CCDC3: variants seen among roughly 807,000 people sequenced by gnomAD.
CCDC3 encodes coiled-coil domain-containing protein 3.
Under a neutral mutation model 21.4 loss-of-function variants are expected in CCDC3, and 24 were observed. The ratio of observed to expected loss-of-function variants is 1.12; its 90% CI spans 0.81 to 1.58. CCDC3 has a LOEUF of 1.58. CCDC3 is among the 40% of genes most tolerant of loss of function. The pLI is 0.00. For synonymous variants in CCDC3, 186 were observed against 166.0 expected (o/e 1.12, Z -0.93); for missense variants, 425 against 360.9 (o/e 1.18, Z -1.44).
At chr10:13,083,456 G>T (rs935623386) in intron 3 of CCDC3, among the ~76,000 whole-genome samples, 3 of 152,298 alleles carry the variant, frequency 2.0e-5, no homozygotes, top group African/African-American at 4.8e-5. Context: ...AGAAATAATA[G>T]TTTCTTTTAA....
At chr10:12,965,881 G>C (rs2580908) in intron 2 of CCDC3, among the ~76,000 whole-genome samples, 131,159 of 152,210 alleles carry the variant, frequency 0.86, 57,712 homozygotes, top group East Asian at 1. Flanking sequence ...ACCAAAGTAT[G>C]TAGAGAATAG....
intron 5 of CCDC3, among the ~76,000 whole-genome samples, chr10:13,034,988 T>C (rs1054009813): frequency 6.7e-6 from 1 of 149,882 alleles, no homozygotes; most frequent in Non-Finnish European, 1.5e-5. Context: ...ATCACGCCAT[T>C]ACACTCCAGT....
At chr10:13,047,765 C>A (rs1836547884) in intron 5 of CCDC3, among the ~76,000 whole-genome samples, 1 of 152,122 alleles carries the variant, frequency 6.6e-6, no homozygotes, top group Non-Finnish European at 1.5e-5. Flanking sequence ...GGACTAAGGC[C>A]TGAGATCGGT....
At chr10:13,082,977 G>T (rs1336418889) in intron 3 of CCDC3, among the ~76,000 whole-genome samples, 1 of 152,068 alleles carries the variant, frequency 6.6e-6, no homozygotes, top group Non-Finnish European at 1.5e-5. Context: ...GGAACAGCTT[G>T]TGCCCTCGGT....
At chr10:13,020,291 T>C (rs984214740) in intron 5 of CCDC3, among the ~76,000 whole-genome samples, 1 of 152,332 alleles carries the variant, frequency 6.6e-6, no homozygotes, top group East Asian at 1.9e-4. Context: ...TTTTTCTAAC[T>C]CATTCCCATG....
intron 2 of CCDC3, among the ~76,000 whole-genome samples, chr10:12,988,696 A>T (rs1392792314): frequency 2.0e-5 from 3 of 151,992 alleles, no homozygotes; most frequent in Non-Finnish European, 4.4e-5. Flanking sequence ...TATTTTTCCT[A>T]TGGACTGATA....
At chr10:13,069,168 G>C (rs930086843) in intron 4 of CCDC3, among the ~76,000 whole-genome samples, 10 of 152,150 alleles carry the variant, frequency 6.6e-5, no homozygotes, top group Non-Finnish European at 1.0e-4. Flanking sequence ...GGCAGGAGAA[G>C]CACTTGAACC....
intron 5 of CCDC3, among the ~76,000 whole-genome samples, chr10:13,027,447 TTCTC>T (rs1836237730): frequency 6.6e-6 from 1 of 152,166 alleles, no homozygotes; most frequent in Non-Finnish European, 1.5e-5. Context: ...CCCTGTCTCT[TTCTC>T]TCTGACGTCT....
intron 2 of CCDC3, among the ~76,000 whole-genome samples, chr10:12,937,931 TC>T (rs1380895787): frequency 6.6e-6 from 1 of 152,174 alleles, no homozygotes. Context: ...GTCCCTTTGG[TC>T]TTCCATCCCG....
At chr10:12,956,227 GA>G (rs1201026184) in intron 2 of CCDC3, among the ~76,000 whole-genome samples, 4 of 152,212 alleles carry the variant, frequency 2.6e-5, no homozygotes. Context: ...AAGAAGAAAT[GA>G]AAAGTTTCTT....
chr10:13,073,598 A>T (rs1242300911), intron 4 of CCDC3, among the ~76,000 whole-genome samples: 2 of 151,510 alleles, frequency 1.3e-5, no homozygotes, highest in Admixed American at 1.3e-4. Flanking sequence ...CTCCCACCTC[A>T]GCCTCCTGAG....
intron 3 of CCDC3, among the ~76,000 whole-genome samples, chr10:13,076,945 G>A (rs1010420335): frequency 1.3e-5 from 2 of 152,096 alleles, no homozygotes; most frequent in African/African-American, 4.8e-5. Context: ...TTTGAAAACT[G>A]GCACAAGAGA....
At chr10:12,925,686 G>C (rs1420535020) in intron 2 of CCDC3, among the ~76,000 whole-genome samples, 1 of 152,248 alleles carries the variant, frequency 6.6e-6, no homozygotes, top group African/African-American at 2.4e-5. Context: ...AAGGTGGCAT[G>C]CCAAAGGTGT....
At chr10:13,042,961 C>A (rs1344803362) in intron 5 of CCDC3, among the ~76,000 whole-genome samples, 1 of 151,074 alleles carries the variant, frequency 6.6e-6, no homozygotes, top group Non-Finnish European at 1.5e-5. Context: ...GCTTCTCACA[C>A]CTATTTAAGT....
intron 2 of CCDC3, among the ~76,000 whole-genome samples, chr10:12,904,085 G>A (rs1353990393): frequency 6.6e-6 from 1 of 151,994 alleles, no homozygotes; most frequent in Non-Finnish European, 1.5e-5. Flanking sequence ...TCATCGGTCT[G>A]TACACTTCCC....
chr10:12,927,220 C>T (rs1052498655), intron 2 of CCDC3, among the ~76,000 whole-genome samples: 10 of 152,156 alleles, frequency 6.6e-5, no homozygotes, highest in South Asian at 2.1e-4. Flanking sequence ...CTAGCACTTC[C>T]GCCTCTCATT....
chr10:13,036,487 G>C (rs1836378679), intron 5 of CCDC3, among the ~76,000 whole-genome samples: 1 of 152,000 alleles, frequency 6.6e-6, no homozygotes, highest in Non-Finnish European at 1.5e-5. Context: ...TTTTTTGTTT[G>C]TTTGTTTTTG....
At chr10:13,025,837 G>A (rs1010176052) in intron 5 of CCDC3, among the ~76,000 whole-genome samples, 9 of 152,192 alleles carry the variant, frequency 5.9e-5, no homozygotes, top group Non-Finnish European at 1.2e-4. Context: ...CTGGAAATAA[G>A]AGCATCATAA....
At chr10:13,007,534 T>C (rs1835939255) in intron 5 of CCDC3, among the ~76,000 whole-genome samples, 1 of 152,182 alleles carries the variant, frequency 6.6e-6, no homozygotes, top group Non-Finnish European at 1.5e-5. Flanking sequence ...GTCTGGGCTA[T>C]TTCCTCCTGG....
Sources: allele counts gnomAD v4.1 joint callset (sites outside exome capture counted in the v4.1 genomes callset), GRCh38; gene constraint gnomAD v4.1.1; transcripts MANE v1.5; gene names NCBI Gene and HGNC (gene_info 2026-07-23, HGNC 2026-07-21).